The following HHIP variants were observed in gnomAD, a reference collection of about 807,000 sequenced individuals.
HHIP encodes the protein hedgehog-interacting protein.
A neutral mutation model predicts 74.0 loss-of-function variants in HHIP; 12 were observed. That is an observed-to-expected ratio of 0.16 (90% CI 0.10 to 0.26). HHIP has a LOEUF of 0.26. Ranked by LOEUF, HHIP falls within the 10% of genes least tolerant of loss-of-function variation. The probability of loss-of-function intolerance (pLI) is 1.00; values close to 1 mark genes in which losing one functional copy is unlikely to be tolerated. For synonymous variants in HHIP, 309 were observed against 311.6 expected (o/e 0.99, Z 0.09); for missense variants, 788 against 845.0 (o/e 0.93, Z 0.84).
intron 2 of HHIP, among the ~76,000 whole-genome samples, chr4:144,653,715 G>A (rs944485787): frequency 2.6e-5 from 4 of 152,232 alleles, no homozygotes; most frequent in South Asian, 2.1e-4. Context: ...TAAGTGCTAT[G>A]TACATTTTAC....
intron 4 of HHIP, among the ~76,000 whole-genome samples, chr4:144,669,457 A>G (rs1488902812): frequency 6.6e-6 from 1 of 152,194 alleles, no homozygotes; most frequent in Non-Finnish European, 1.5e-5. Flanking sequence ...CATTTTACTC[A>G]ATCTGTACAT....
At chr4:144,718,255 G>A (rs1163993930) in intron 10 of HHIP, among the ~76,000 whole-genome samples, 1 of 152,122 alleles carries the variant, frequency 6.6e-6, no homozygotes, top group South Asian at 2.1e-4. Context: ...AAGAAGGGGG[G>A]AAAAAATGAA....
chr4:144,676,190 G>C (rs953247574), intron 4 of HHIP, among the ~76,000 whole-genome samples: 1 of 152,188 alleles, frequency 6.6e-6, no homozygotes, highest in Non-Finnish European at 1.5e-5. Flanking sequence ...ACAGCCATCT[G>C]CTTCCAAGAA....
At chr4:144,737,634 A>G in intron 12 of HHIP, 130 bp from the exon 13 acceptor site, 1 of 722,402 alleles carries the variant, frequency 1.4e-6, no homozygotes, top group Non-Finnish European at 2.1e-6. Context: ...CTTTCAGATC[A>G]TTTTGTAACT....
chr4:144,725,263 G>C (rs959604462), intron 11 of HHIP, among the ~76,000 whole-genome samples: 2 of 152,116 alleles, frequency 1.3e-5, no homozygotes, highest in African/African-American at 2.4e-5. Flanking sequence ...GCATCATTTT[G>C]TTACTAATTC....
chr4:144,705,394 A>C (rs1730107125), intron 4 of HHIP, among the ~76,000 whole-genome samples: 1 of 152,170 alleles, frequency 6.6e-6, no homozygotes, highest in Non-Finnish European at 1.5e-5. Context: ...CTCTGCTAAC[A>C]CTTGAGAAGG....
chr4:144,665,808 T>C lies in HHIP; in HGVS notation c.831+5970T>C, dbSNP rs577285664. ...GAAACTGGAGTGACAGATGCCATGT[T>C]TCTCCAGTTGAGTAGAGAAAGCCCT... On this transcript the variant is annotated intron_variant, in intron 4 of 12. Coordinates refer to ENST00000296575, the MANE Select transcript of HHIP (RefSeq NM_022475.3). Among the ~76,000 whole-genome samples the C allele has an allele frequency of 3.9e-5, 6 of 152,370 alleles. No individual in the cohort carries two copies. The South Asian group carries it at 1.2e-3, about 32-fold the overall frequency.
chr4:144,724,882 G>C (rs531499734), intron 11 of HHIP, among the ~76,000 whole-genome samples: 220 of 151,782 alleles, frequency 1.4e-3, no homozygotes, highest in Non-Finnish European at 2.3e-3. Context: ...AAACTTGACT[G>C]AATTGCCACT....
intron 4 of HHIP, among the ~76,000 whole-genome samples, chr4:144,684,160 G>C (rs1729417504): frequency 6.8e-6 from 1 of 147,868 alleles, no homozygotes; most frequent in African/African-American, 2.5e-5. Context: ...ATCACCTGAG[G>C]TCAGGAGTTC....
intron 11 of HHIP, among the ~76,000 whole-genome samples, chr4:144,726,170 G>A (rs889977028): frequency 6.6e-6 from 1 of 152,092 alleles, no homozygotes. Context: ...ATTCTGAACA[G>A]AATATATTTC....
chr4:144,671,304 C>G (rs146302735), intron 4 of HHIP, among the ~76,000 whole-genome samples: 4 of 144,750 alleles, frequency 2.8e-5, no homozygotes, highest in Non-Finnish European at 6.0e-5. Context: ...AATGTCTCCT[C>G]GTCCAAGGAG....
intron 4 of HHIP, chr4:144,685,790 T>A (rs774756359): frequency 2.6e-5 from 4 of 152,242 alleles, no homozygotes; most frequent in Non-Finnish European, 4.4e-5. Flanking sequence ...TTGCTCTTTT[T>A]ATTAAAAAGC....
intron 10 of HHIP, among the ~76,000 whole-genome samples, chr4:144,716,387 AAAG>A (rs1318119642): frequency 6.6e-6 from 1 of 152,230 alleles, no homozygotes; most frequent in Non-Finnish European, 1.5e-5. Context: ...ATAACAATTC[AAAG>A]AAGAGAATCC....
At chr4:144,697,323 GA>G (rs1336446490) in intron 4 of HHIP, among the ~76,000 whole-genome samples, 3 of 151,882 alleles carry the variant, frequency 2.0e-5, no homozygotes. Context: ...ATGCTTTTTG[GA>G]GGCTTATTGT....
At chr4:144,692,513 A>G (rs1327546126) in intron 4 of HHIP, among the ~76,000 whole-genome samples, 2 of 152,150 alleles carry the variant, frequency 1.3e-5, no homozygotes. Flanking sequence ...TCATCCTTGA[A>G]GTCTCAACCT....
At chr4:144,686,673 T>C (rs182933055) in intron 4 of HHIP, among the ~76,000 whole-genome samples, 1 of 152,310 alleles carries the variant, frequency 6.6e-6, no homozygotes, top group East Asian at 1.9e-4. Flanking sequence ...CAACTTAGAC[T>C]TTTAAGTTAA....
At chr4:144,701,115 A>C (rs1166528108) in intron 4 of HHIP, among the ~76,000 whole-genome samples, 2 of 152,222 alleles carry the variant, frequency 1.3e-5, no homozygotes, top group Non-Finnish European at 2.9e-5. Flanking sequence ...TATATCTTAT[A>C]GGGAATTCAA....
chr4:144,702,147 T>G (rs570072876), intron 4 of HHIP, among the ~76,000 whole-genome samples: 12 of 152,202 alleles, frequency 7.9e-5, no homozygotes, highest in African/African-American at 2.9e-4. Context: ...AGTGAAACCA[T>G]GTATAAAAAA....
rs1239690974 is a variant in HHIP, at chr4:144,744,362, T to G, written c.*6405T>G. On this transcript the variant is annotated 3_prime_UTR_variant, in exon 13 of 13. Transcript: ENST00000296575. ...TTATCTTTATCATTCTTCTAACATG[T>G]TTTGGTTTCTCTAATGGTTCATTTT... is the stretch of plus-strand genomic sequence containing the variant. 2.0e-5 allele frequency: 3 copies of G among 152,198 alleles called. No homozygotes were observed. The highest frequency in any genetic ancestry group is 7.2e-5 in the African/African-American group (3 of 41,442). 9.4% of individuals were successfully genotyped at this position (152,198 alleles called of 1,614,324 possible).
Sources: gnomAD v4.1 joint callset for allele counts (sites outside exome capture counted in the v4.1 genomes callset) on GRCh38, gnomAD v4.1.1 for gene constraint, MANE v1.5 for transcripts, NCBI Gene and HGNC (gene_info 2026-07-23, HGNC 2026-07-21) for gene names.